The following TENM1 variants were observed in gnomAD, a reference collection of about 807,000 sequenced individuals.
TENM1 encodes teneurin-1.
In TENM1, 35 loss-of-function variants were observed where a neutral mutation model predicts 174.8. That is an observed-to-expected ratio of 0.20 (90% confidence interval 0.15 to 0.27). The LOEUF (loss-of-function observed/expected upper bound fraction) is 0.27. Among genes scored for constraint, TENM1 ranks in the 10% least tolerant of loss-of-function variants. The pLI is 1.00. For missense variants in TENM1, 1,633 were observed against 2,130.1 expected, an observed-to-expected ratio of 0.77 and a Z score of 4.59; for synonymous variants, 781 against 798.7, an observed-to-expected ratio of 0.98 and a Z score of 0.37.
chrX:124,537,087 G>A (rs1223020598), intron 15 of TENM1, among the ~76,000 whole-genome samples: 1 of 111,099 alleles, frequency 9.0e-6, no homozygotes, highest in Non-Finnish European at 1.9e-5. Flanking sequence ...AACCACCATT[G>A]TTGACTTTTC....
intron 3 of TENM1, among the ~76,000 whole-genome samples, chrX:124,769,418 G>C (rs936779473): frequency 1.8e-5 from 2 of 111,700 alleles, no homozygotes; most frequent in Non-Finnish European, 3.8e-5. Flanking sequence ...TCAGGCCAAC[G>C]TCAGTTTACA....
At chrX:124,486,387 A>C (rs1451848762) in intron 21 of TENM1, among the ~76,000 whole-genome samples, 1 of 112,421 alleles carries the variant, frequency 8.9e-6, no homozygotes, top group African/African-American at 3.2e-5. Context: ...ACATTTTACC[A>C]GTAAGCTATT....
At chrX:124,716,334 T>G (rs1256070626) in intron 4 of TENM1, among the ~76,000 whole-genome samples, 2 of 111,924 alleles carry the variant, frequency 1.8e-5, no homozygotes, top group Non-Finnish European at 3.8e-5. Context: ...CCATTTTTGT[T>G]AGGTGTGGTC....
At chrX:124,625,915 C>G (rs935444710) in intron 11 of TENM1, among the ~76,000 whole-genome samples, 3 of 111,061 alleles carry the variant, frequency 2.7e-5, no homozygotes, top group Non-Finnish European at 5.7e-5. Flanking sequence ...GGACGCAGAT[C>G]CAACCCATAT....
chrX:124,399,968 C>A (rs1187125053), intron 27 of TENM1, among the ~76,000 whole-genome samples: 1 of 110,692 alleles, frequency 9.0e-6, no homozygotes, highest in Admixed American at 9.6e-5. Context: ...AACAAAAAAA[C>A]AAAAACACAA....
At chrX:124,916,213 TA>T (rs1359777946) in intron 1 of TENM1, among the ~76,000 whole-genome samples, 1 of 112,124 alleles carries the variant, frequency 8.9e-6, no homozygotes, top group Non-Finnish European at 1.9e-5. Flanking sequence ...GCCACAATTA[TA>T]ATTGTTTAAG....
At chrX:125,168,011 T>C in the TENM1 span, among the ~76,000 whole-genome samples, 1 of 111,278 alleles carries the variant, frequency 9.0e-6, no homozygotes, top group Non-Finnish European at 1.9e-5. Flanking sequence ...GTAGACATGC[T>C]TGTGTGTGTG....
At chrX:124,619,377 G>A (rs2050465887) in intron 11 of TENM1, among the ~76,000 whole-genome samples, 1 of 111,958 alleles carries the variant, frequency 8.9e-6, no homozygotes, top group South Asian at 3.7e-4. Flanking sequence ...CTGGGAAATA[G>A]CTCCAAGACA....
rs774366905 is a variant in TENM1 at position 124,546,902 on chromosome X, T to C, written c.2623A>G (p.Ile875Val). ...CTGTCAAATGACACCTCAGGAGGAA[T>C]GACATGAGTACTGTCCTTGCCAATG... The change falls in exon 15 of 32, where the codon ATT becomes GTT. Residue 875 changes from isoleucine (I) to valine (V), a missense_variant. Physicochemically the swap from Ile to Val is conservative, Grantham distance 29. Transcript: ENST00000422452. 17 of 1,208,364 alleles carry C rather than the reference T, an allele frequency of 1.4e-5. No homozygotes were observed. In the East Asian group the frequency reaches 4.7e-4, roughly 34 times the overall value.
At chrX:125,185,583 T>A in the TENM1 span, among the ~76,000 whole-genome samples, 2 of 112,689 alleles carry the variant, frequency 1.8e-5, no homozygotes, top group African/African-American at 3.2e-5. Context: ...TCCATTCTTT[T>A]CACATTATGT....
intron 11 of TENM1, among the ~76,000 whole-genome samples, chrX:124,635,753 G>A (rs1321717903): frequency 8.9e-6 from 1 of 112,541 alleles, no homozygotes; most frequent in Non-Finnish European, 1.9e-5. Context: ...CAGATACATT[G>A]TGCAATGCTG....
chrX:125,090,913 G>A, the TENM1 span, among the ~76,000 whole-genome samples: 1 of 111,543 alleles, frequency 9.0e-6, no homozygotes, highest in Non-Finnish European at 1.9e-5. Context: ...GGGAATGGGG[G>A]AAAATTACAT....
chrX:125,094,705 A>T, the TENM1 span, among the ~76,000 whole-genome samples: 1 of 112,065 alleles, frequency 8.9e-6, no homozygotes, highest in African/African-American at 3.2e-5. Context: ...TGACTGTGTG[A>T]AACAGATTTT....
intron 5 of TENM1, among the ~76,000 whole-genome samples, chrX:124,688,024 A>T (rs2052412096): frequency 9.1e-6 from 1 of 109,848 alleles, no homozygotes; most frequent in African/African-American, 3.3e-5. Context: ...GTATACTTCA[A>T]GATTCCTCTC....
chrX:124,976,277 C>T, the TENM1 span, among the ~76,000 whole-genome samples: 1 of 111,634 alleles, frequency 9.0e-6, no homozygotes, highest in Non-Finnish European at 1.9e-5. Context: ...CCTTATTTTA[C>T]AGATGAGGAA....
the TENM1 span, among the ~76,000 whole-genome samples, chrX:124,997,328 T>C: frequency 9.0e-6 from 1 of 111,501 alleles, no homozygotes; most frequent in Non-Finnish European, 1.9e-5. Context: ...GTAAGTATAA[T>C]TAATTAAAGG....
chrX:124,568,482 T>C (rs1231420593), intron 11 of TENM1, among the ~76,000 whole-genome samples: 1 of 111,769 alleles, frequency 8.9e-6, no homozygotes, highest in Non-Finnish European at 1.9e-5. Context: ...TAAAATACTA[T>C]CGTTTAATAA....
intron 20 of TENM1, among the ~76,000 whole-genome samples, chrX:124,494,562 A>G (rs983882033): frequency 1.8e-5 from 2 of 109,950 alleles, no homozygotes. Context: ...TGCACATTGT[A>G]CAGGTTAGTT....
the TENM1 span, among the ~76,000 whole-genome samples, chrX:125,099,692 T>C: frequency 1.8e-5 from 2 of 109,338 alleles, no homozygotes; most frequent in African/African-American, 6.6e-5. Context: ...AATAAGGCCT[T>C]ACCATATCAG....
Sources: allele counts gnomAD v4.1 joint callset (sites outside exome capture counted in the v4.1 genomes callset), GRCh38; gene constraint gnomAD v4.1.1; transcripts MANE v1.5; gene names NCBI Gene and HGNC (gene_info 2026-07-23, HGNC 2026-07-21).